The following EEA1 variants were observed in gnomAD, a reference collection of about 807,000 sequenced individuals.
The protein encoded by EEA1 is early endosome antigen 1, 162kD.
Under a neutral mutation model 209.2 loss-of-function variants are expected in EEA1, and 111 were observed. The observed-to-expected ratio is 0.53, with a 90% CI of 0.45 to 0.62. EEA1 has a LOEUF of 0.62. EEA1 is among the 20% of genes least tolerant of loss of function. EEA1 has a pLI of 0.00. For synonymous variants in EEA1, 536 were observed against 540.6 expected, an observed-to-expected ratio of 0.99 and a Z score of 0.12; for missense variants, 1,343 against 1,530.8, an observed-to-expected ratio of 0.88 and a Z score of 2.05.
intron 3 of EEA1, 113 bp downstream of exon 3, chr12:92,864,744 ATTT>A: frequency 9.6e-7 from 1 of 1,041,824 alleles, no homozygotes. Context: ...ATGATGACAG[ATTT>A]AAATTAAATA....
At chr12:92,810,915 A>G (rs1009676293) in intron 17 of EEA1, among the ~76,000 whole-genome samples, 1 of 152,090 alleles carries the variant, frequency 6.6e-6, no homozygotes, top group African/African-American at 2.4e-5. Context: ...GTGATATTGG[A>G]GTAAGTTGGT....
intron 21 of EEA1, among the ~76,000 whole-genome samples, chr12:92,795,634 G>C (rs773118725): frequency 2.0e-5 from 3 of 152,160 alleles, no homozygotes; most frequent in Non-Finnish European, 4.4e-5. Context: ...AGAAAGCTAG[G>C]AGACAGAATG....
At chr12:92,811,997 G>GT (rs932899916) in intron 16 of EEA1, among the ~76,000 whole-genome samples, 1 of 152,086 alleles carries the variant, frequency 6.6e-6, no homozygotes, top group Non-Finnish European at 1.5e-5. Flanking sequence ...GTTTTGTTCT[G>GT]TTTTTTAACT....
chr12:92,836,385 A>G (rs1337292721), intron 10 of EEA1, among the ~76,000 whole-genome samples: 1 of 152,206 alleles, frequency 6.6e-6, no homozygotes, highest in Non-Finnish European at 1.5e-5. Context: ...TTATCTCAAT[A>G]TATATTCTTA....
At chr12:92,918,998 G>A (rs1442846428) in intron 1 of EEA1, among the ~76,000 whole-genome samples, 3 of 136,314 alleles carry the variant, frequency 2.2e-5, no homozygotes, top group Admixed American at 7.2e-5. Flanking sequence ...AAATCTAGAA[G>A]AAATGGATAA....
Position 92,776,100 on chromosome 12 carries a change from C to T in EEA1, c.4147G>A (p.Ala1383Thr). 6.2e-7 allele frequency: 1 copy of T among 1,610,326 alleles called. No individual in the cohort carries two copies. The highest frequency in any genetic ancestry group is 8.5e-7 in the Non-Finnish European group (1 of 1,177,784). ...AAGGCATTTTTGGCTGAACATTCAG[C>T]ACAGAAGATATTTCCACACTGTCGG... ...HCRQCGNIFC[A>T]ECSAKNALTP... Residue 1383 changes from alanine to threonine, a missense_variant, in exon 29 of 29, where the codon GCT (alanine) becomes ACT (threonine). By Grantham distance (58) the Ala-to-Thr change is moderately conservative (BLOSUM62 0). This residue lies in a region of EEA1 where 28 missense variants were observed against 37.7 expected (regional missense o/e 0.74). Transcript: ENST00000322349.
chr12:92,850,212 T>A (rs574869360), intron 9 of EEA1, among the ~76,000 whole-genome samples: 1 of 152,266 alleles, frequency 6.6e-6, no homozygotes, highest in South Asian at 2.1e-4. Context: ...AACCAGCGCA[T>A]GTAAATTACA....
At chr12:92,784,014 G>A (rs761255286) in intron 22 of EEA1, among the ~76,000 whole-genome samples, 7 of 151,980 alleles carry the variant, frequency 4.6e-5, no homozygotes, top group Non-Finnish European at 1.0e-4. Flanking sequence ...ACCCAGTTAC[G>A]TCTTTCTGAT....
In EEA1 at chr12:92,928,926, G is replaced by A. The variant is rs566721200; in HGVS notation, c.24+117C>T. 316 of 1,075,480 alleles carry A rather than the reference G, an allele frequency of 2.9e-4. 3 individuals carry two copies. In the African/African-American group the frequency reaches 4.8e-3, roughly 16 times the overall value. The allele number at this position is 1,075,480 out of a possible 1,614,324, so 66.6% of individuals were successfully genotyped here. On this transcript the variant is annotated intron_variant, in intron 1 of 28. Coordinates refer to ENST00000322349, the MANE Select transcript of EEA1 (RefSeq NM_003566.4). ...GGCGACCGAGGCCTAAGCGCCTGCC[G>A]GGCTGTGGGGCCTAGGGAAGGAAGG... is the stretch of plus-strand genomic sequence containing the variant.
At chr12:92,875,786 C>A (rs7136042) in intron 2 of EEA1, among the ~76,000 whole-genome samples, 39,521 of 152,136 alleles carry the variant, frequency 0.26, 5,628 homozygotes, top group Non-Finnish European at 0.32. Flanking sequence ...CCCAATCTCC[C>A]CCTTGCTCAC....
intron 18 of EEA1, among the ~76,000 whole-genome samples, chr12:92,805,424 T>C (rs1200513308): frequency 6.6e-6 from 1 of 152,186 alleles, no homozygotes; most frequent in East Asian, 1.9e-4. Flanking sequence ...GGGTTTTATT[T>C]CACCTTTCTG....
chr12:92,925,404 C>T (rs561774565), intron 1 of EEA1, among the ~76,000 whole-genome samples: 14 of 152,002 alleles, frequency 9.2e-5, no homozygotes, highest in Non-Finnish European at 1.8e-4. Context: ...TTGGTAGTGA[C>T]GGGGTTTCAC....
At position 92,926,675 on chromosome 12, in the gene EEA1, T is replaced by G. The variant is rs186237383; in HGVS notation, c.24+2368A>C. 4.7e-4 allele frequency among the ~76,000 whole-genome samples: 72 copies of G among 152,320 alleles called. No individual in the cohort carries two copies. In the East Asian group the frequency reaches 9.8e-3, roughly 21 times the overall value. On this transcript the variant is annotated intron_variant, in intron 1 of 28. Coordinates refer to ENST00000322349, the MANE Select transcript of EEA1 (RefSeq NM_003566.4). The stretch of plus-strand genomic sequence containing the variant: ...CACGGTAGCTTCATCTCTTACTAAT[T>G]GCTACAGACCATCTCACTTCCTAAG...
intron 2 of EEA1, 98 bp downstream of exon 2, chr12:92,891,531 G>A (rs1435215658): frequency 2.2e-6 from 2 of 914,230 alleles, no homozygotes; most frequent in East Asian, 2.5e-5. Context: ...AGAAAAACTT[G>A]TGAGAACTTT....
intron 14 of EEA1, 143 bp downstream of exon 14, chr12:92,819,165 T>G (rs775689291): frequency 9.5e-5 from 59 of 621,454 alleles, no homozygotes; most frequent in Non-Finnish European, 1.4e-4. Flanking sequence ...TTAAGGTACA[T>G]GAGATGCTAT....
At chr12:92,843,668 TTAA>T (rs1200388042) in intron 9 of EEA1, among the ~76,000 whole-genome samples, 2 of 152,178 alleles carry the variant, frequency 1.3e-5, no homozygotes, top group African/African-American at 4.8e-5. Context: ...TTCTATTATA[TTAA>T]TATTTCTAAT....
At chr12:92,879,710 C>G (rs1215672993) in intron 2 of EEA1, among the ~76,000 whole-genome samples, 1 of 152,196 alleles carries the variant, frequency 6.6e-6, no homozygotes, top group Admixed American at 6.5e-5. Flanking sequence ...TACTTACTCT[C>G]CCCAATTCTA....
intron 2 of EEA1, chr12:92,884,004 T>A: frequency 7.1e-7 from 1 of 1,401,994 alleles, no homozygotes; most frequent in South Asian, 1.2e-5. Context: ...CAAGGCCACA[T>A]AAGGTGGATG....
chr12:92,851,179 G>T lies in EEA1; in HGVS notation c.730C>A (p.Arg244Ser), dbSNP rs749198752. ...QTLMDNMTLE[R>S]ERESEKLKDE... is the part of the protein sequence containing the mutation. ...TTGAGTTTTTCAGATTCTCGCTCAC[G>T]TTCCAAGGTCATGTTATCCATTAGT... The change falls in exon 9 of 29, where the codon CGT (arginine) becomes AGT (serine). Residue 244 changes from arginine to serine, a missense_variant. Arg to Ser is a moderately radical substitution (Grantham distance 110, BLOSUM62 -1). This residue lies in a region of EEA1 where 1,307 missense variants were observed against 1,465.5 expected (regional missense o/e 0.89). Transcript: ENST00000322349. 6.2e-6 allele frequency: 10 copies of T among 1,613,688 alleles called. No homozygotes were observed. The highest frequency in any genetic ancestry group is 7.6e-6 in the Non-Finnish European group (9 of 1,179,894).
Sources: gnomAD v4.1 joint callset for allele counts (sites outside exome capture counted in the v4.1 genomes callset) on GRCh38, gnomAD v4.1.1 for gene constraint, gnomAD v4.1.1 regional missense constraint, MANE v1.5 for transcripts, NCBI Gene and HGNC (gene_info 2026-07-23, HGNC 2026-07-21) for gene names.